The following ZNF438 variants were observed in gnomAD, a reference collection of about 807,000 sequenced individuals.
ZNF438 encodes the protein zinc finger protein 438.
ZNF438 carries 25 observed loss-of-function variants against 38.0 expected under a neutral mutation model. The ratio of observed to expected loss-of-function variants is 0.66; its 90% CI spans 0.48 to 0.92. ZNF438 has a LOEUF of 0.92. Ranked by LOEUF, ZNF438 falls within the 40% of genes least tolerant of loss-of-function variation. The pLI, the probability that ZNF438 is intolerant of heterozygous loss-of-function variation, is 0.00. For synonymous variants in ZNF438, 372 were observed against 364.1 expected, an observed-to-expected ratio of 1.02 and a Z score of -0.25; for missense variants, 1,007 against 999.6, an observed-to-expected ratio of 1.01 and a Z score of -0.10.
rs947031672 is a variant in ZNF438, at chr10:30,961,892, G to GAAAAAAAAA, written c.-191-20250_-191-20242dup. 7.5e-4 allele frequency among the ~76,000 whole-genome samples: 50 copies of GAAAAAAAAA among 67,110 alleles called. 1 individual carries two copies. Among genetic ancestry groups the GAAAAAAAAA allele is most frequent in the Non-Finnish European group, 1.2e-3 (36 of 31,230 alleles). 44.0% of individuals were successfully genotyped at this position (67,110 alleles called of 152,430 possible). ...GACAGAGTGAGACTCCATCCCAAAA[G>GAAAAAAAAA]AAAAAAAAAAAAAAAAAGTTTTACA... On this transcript the variant is annotated intron_variant, in intron 1 of 5. Coordinates refer to ENST00000413025, the Ensembl canonical transcript of ZNF438.
intron 1 of ZNF438, among the ~76,000 whole-genome samples, chr10:30,985,322 G>A (rs1253427318): frequency 6.6e-6 from 1 of 152,134 alleles, no homozygotes; most frequent in Non-Finnish European, 1.5e-5. Context: ...CAGAGAAAGT[G>A]TTTTACGTAT....
chr10:30,976,412 T>C (rs1236171220), intron 1 of ZNF438, among the ~76,000 whole-genome samples: 2 of 152,066 alleles, frequency 1.3e-5, no homozygotes, highest in East Asian at 1.9e-4. Flanking sequence ...AAGGTAGCAA[T>C]ATCAATGTCA....
chr10:31,012,869 G>A (rs999923225), intron 1 of ZNF438, among the ~76,000 whole-genome samples: 1 of 152,172 alleles, frequency 6.6e-6, no homozygotes. Context: ...GCCAGTGAGG[G>A]TGAAGTAAAC....
intron 2 of ZNF438, among the ~76,000 whole-genome samples, chr10:30,924,979 TTC>T (rs1263572007): frequency 1.3e-5 from 2 of 152,232 alleles, no homozygotes; most frequent in Non-Finnish European, 2.9e-5. Flanking sequence ...TTTTTAAATT[TTC>T]TGTTTTGTTG....
At chr10:30,863,525 CCTT>C (rs756226689) in intron 4 of ZNF438, among the ~76,000 whole-genome samples, 1 of 152,194 alleles carries the variant, frequency 6.6e-6, no homozygotes, top group African/African-American at 2.4e-5. Flanking sequence ...ATTCTGCCAT[CCTT>C]CTTCTCCATC....
At chr10:30,898,232 A>G (rs1009323418) in intron 3 of ZNF438, among the ~76,000 whole-genome samples, 5 of 152,180 alleles carry the variant, frequency 3.3e-5, no homozygotes, top group African/African-American at 9.7e-5. Flanking sequence ...TGAATGTTCT[A>G]CCTTACAGAA....
chr10:31,016,714 T>C (rs1258842966), intron 1 of ZNF438, among the ~76,000 whole-genome samples: 2 of 152,196 alleles, frequency 1.3e-5, no homozygotes, highest in Non-Finnish European at 2.9e-5. Flanking sequence ...TACAAATATG[T>C]TTTTAAAAGT....
chr10:30,873,756 T>C (rs2037869932), intron 4 of ZNF438, among the ~76,000 whole-genome samples: 1 of 152,236 alleles, frequency 6.6e-6, no homozygotes, highest in South Asian at 2.1e-4. Context: ...TGATAGTTCC[T>C]CGTATGAATT....
chr10:30,980,613 G>A (rs185721772), intron 1 of ZNF438, among the ~76,000 whole-genome samples: 1 of 152,288 alleles, frequency 6.6e-6, no homozygotes, highest in East Asian at 1.9e-4. Flanking sequence ...CCAAAATGGA[G>A]ATGTTGAAAA....
Position 31,026,269 on chromosome 10 carries a change from C to G in ZNF438, c.-192+5564G>C, listed in dbSNP as rs1436867761. ...CTAATTAAACTAAAGAGCTTCTGCA[C>G]AGCAAAAGAAACTACCATAAAGAGT... On this transcript the variant is annotated intron_variant, in intron 1 of 5. Transcript: ENST00000413025. 2.0e-5 allele frequency among the ~76,000 whole-genome samples: 3 copies of G among 152,266 alleles called. No homozygotes were observed. The East Asian group carries it at 5.8e-4, about 29-fold the overall frequency.
intron 2 of ZNF438, among the ~76,000 whole-genome samples, chr10:30,924,503 G>C (rs527522090): frequency 6.6e-6 from 1 of 152,158 alleles, no homozygotes; most frequent in African/African-American, 2.4e-5. Context: ...AGGCCTGAAG[G>C]TCATTTCCTG....
In ZNF438 at chr10:30,880,792, T is replaced by C. The variant is rs571820793; in HGVS notation, c.-31-3727A>G. Among the ~76,000 whole-genome samples the C allele has an allele frequency of 5.3e-4, 80 of 152,274 alleles. 1 individual carries two copies. The South Asian group carries it at 9.5e-3, about 18-fold the overall frequency. On this transcript the variant is annotated intron_variant, in intron 3 of 5. Transcript: ENST00000413025. ...AATCCAACAATATGAGAATACGTCATGACCAAGTAGAGATATCCAGGAATA... is the reference window on the plus strand; with the variant it reads ...AATCCAACAATATGAGAATACGTCACGACCAAGTAGAGATATCCAGGAATA...
At chr10:30,874,110 GTGTGTATA>G (rs1253514185) in intron 4 of ZNF438, among the ~76,000 whole-genome samples, 1 of 31,650 alleles carries the variant, frequency 3.2e-5, no homozygotes, top group African/African-American at 1.7e-4. Context: ...GGGGGTGTGT[GTGTGTATA>G]TATATATATA....
At chr10:30,870,859 C>T (rs2037295411) in intron 4 of ZNF438, among the ~76,000 whole-genome samples, 1 of 152,088 alleles carries the variant, frequency 6.6e-6, no homozygotes, top group Admixed American at 6.6e-5. Flanking sequence ...TTGACTGTTA[C>T]AGGATGAGAA....
At chr10:30,887,589 C>T (rs2040125356) in intron 3 of ZNF438, among the ~76,000 whole-genome samples, 1 of 152,086 alleles carries the variant, frequency 6.6e-6, no homozygotes, top group Admixed American at 6.5e-5. Context: ...GGGGTTTCAC[C>T]ATGTTGGCCA....
intron 1 of ZNF438, among the ~76,000 whole-genome samples, chr10:31,001,106 T>A (rs1173616428): frequency 1.3e-5 from 2 of 152,162 alleles, no homozygotes; most frequent in Non-Finnish European, 2.9e-5. Context: ...ATTACAACAC[T>A]CATCTTGCTG....
intron 2 of ZNF438, among the ~76,000 whole-genome samples, chr10:30,936,185 A>G (rs2046236810): frequency 6.6e-6 from 1 of 152,192 alleles, no homozygotes; most frequent in Non-Finnish European, 1.5e-5. Context: ...TTAAACCTCT[A>G]AAGCCCGATT....
intron 2 of ZNF438, among the ~76,000 whole-genome samples, chr10:30,927,768 G>A (rs1050613157): frequency 6.6e-6 from 1 of 152,182 alleles, no homozygotes; most frequent in Admixed American, 6.5e-5. Context: ...GTGTGATCCT[G>A]GATAAATCAT....
intron 2 of ZNF438, among the ~76,000 whole-genome samples, chr10:30,935,296 C>G (rs1228009905): frequency 6.6e-6 from 1 of 152,182 alleles, no homozygotes; most frequent in South Asian, 2.1e-4. Context: ...AGAAAAACAG[C>G]CTTCTTTGGC....
Sources: gnomAD v4.1 joint callset for allele counts (sites outside exome capture counted in the v4.1 genomes callset) on GRCh38, gnomAD v4.1.1 for gene constraint, MANE v1.5 for transcripts, NCBI Gene and HGNC (gene_info 2026-07-23, HGNC 2026-07-21) for gene names.